RAP1GDS1: variants seen among roughly 807,000 people sequenced by gnomAD.
The protein encoded by RAP1GDS1 is Rap1 GTPase-GDP dissociation stimulator 1.
RAP1GDS1 carries 35 observed loss-of-function variants against 71.1 expected under a neutral mutation model. The observed-to-expected ratio is 0.49, with a 90% CI of 0.38 to 0.65. The LOEUF is 0.65. Among genes scored for constraint, RAP1GDS1 ranks in the 30% least tolerant of loss-of-function variants. The probability of loss-of-function intolerance (pLI) is 0.00; values close to 1 mark genes in which losing one functional copy is unlikely to be tolerated. For synonymous variants in RAP1GDS1, 229 were observed against 243.1 expected (o/e 0.94, Z 0.54); for missense variants, 663 against 706.1 (o/e 0.94, Z 0.69).
Position 98,261,459 on chromosome 4 carries a change from C to G in RAP1GDS1, c.-107C>G. 5 of 1,258,594 alleles carry G rather than the reference C, an allele frequency of 4.0e-6. No homozygotes were observed. Among genetic ancestry groups the G allele is most frequent in the Non-Finnish European group, 5.3e-6 (5 of 935,162 alleles). The allele number at this position is 1,258,594 out of a possible 1,614,324, so 78.0% of individuals were successfully genotyped here. ...CCCGGCGGCCGCCCCCCGCGGGTCC[C>G]TCCCTGGCTGCGGGAGAGACGGAGG... On this transcript the variant is annotated 5_prime_UTR_variant, in exon 1 of 15. Coordinates refer to ENST00000408927, the MANE Select transcript of RAP1GDS1 (RefSeq NM_001100427.2).
At chr4:98,269,174 A>C (rs981004773) in intron 1 of RAP1GDS1, among the ~76,000 whole-genome samples, 1 of 4,122 alleles carries the variant, frequency 2.4e-4, no homozygotes. Flanking sequence ...ATTGATCTTC[A>C]AAAAAAAAAA....
chr4:98,442,099 A>T lies in RAP1GDS1; in HGVS notation c.1806A>T (p.Arg602Ser), dbSNP rs1018050208. ...AGCAGGCCTCTCTCACAGAGCAGAGACTTACTGTGGAAAGCTGAGAACTGC... is the reference window on the plus strand; with the variant it reads ...AGCAGGCCTCTCTCACAGAGCAGAGTCTTACTGTGGAAAGCTGAGAACTGC... ...VAQQASLTEQ[R>S]LTVES The change falls in exon 15 of 15, where the codon AGA (arginine) becomes AGT (serine). Residue 602 changes from arginine (R) to serine (S), a missense_variant. By Grantham distance (110) the Arg-to-Ser change is moderately radical (BLOSUM62 -1). Transcript: ENST00000408927. 4.3e-6 allele frequency: 7 copies of T among 1,613,518 alleles called. No individual in the cohort carries two copies. Among genetic ancestry groups the T allele is most frequent in the Non-Finnish European group, 5.9e-6 (7 of 1,179,978 alleles).
intron 7 of RAP1GDS1, among the ~76,000 whole-genome samples, chr4:98,409,966 G>A (rs149558405): frequency 8.5e-5 from 13 of 152,158 alleles, no homozygotes; most frequent in African/African-American, 3.1e-4. Context: ...TGAGACATTG[G>A]TTACTTTAAA....
At chr4:98,309,850 G>A (rs1242224639) in intron 2 of RAP1GDS1, among the ~76,000 whole-genome samples, 1 of 151,338 alleles carries the variant, frequency 6.6e-6, no homozygotes. Context: ...AGTAAGGTAG[G>A]GTTCAGGTAT....
intron 12 of RAP1GDS1, among the ~76,000 whole-genome samples, chr4:98,424,784 A>C (rs1432566301): frequency 6.7e-6 from 1 of 149,560 alleles, no homozygotes; most frequent in African/African-American, 2.5e-5. Flanking sequence ...AAAAAAAAAA[A>C]AACAAAGAAA....
chr4:98,370,619 A>C (rs960226207), intron 4 of RAP1GDS1, among the ~76,000 whole-genome samples: 1 of 150,010 alleles, frequency 6.7e-6, no homozygotes, highest in Non-Finnish European at 1.5e-5. Flanking sequence ...GCTGGAGTGC[A>C]GTGGCGCGAT....
chr4:98,311,710 C>CA (rs1730246983), intron 2 of RAP1GDS1, among the ~76,000 whole-genome samples: 1 of 152,220 alleles, frequency 6.6e-6, no homozygotes, highest in Non-Finnish European at 1.5e-5. Flanking sequence ...GATCCATGCT[C>CA]ACGGCAGCGT....
chr4:98,395,171 T>C (rs1452034164), intron 6 of RAP1GDS1, among the ~76,000 whole-genome samples: 6 of 152,160 alleles, frequency 3.9e-5, no homozygotes, highest in Admixed American at 1.3e-4. Context: ...CAAAGCATCT[T>C]TAAGTGATAG....
intron 4 of RAP1GDS1, among the ~76,000 whole-genome samples, chr4:98,376,485 A>G (rs970743148): frequency 1.3e-5 from 2 of 152,106 alleles, no homozygotes; most frequent in African/African-American, 4.8e-5. Context: ...TACTGGAAAA[A>G]TAAGTCAGTT....
At chr4:98,398,680 A>G (rs1400569899) in intron 6 of RAP1GDS1, among the ~76,000 whole-genome samples, 2 of 152,136 alleles carry the variant, frequency 1.3e-5, no homozygotes, top group African/African-American at 4.8e-5. Flanking sequence ...TATCAAGAAA[A>G]ACCTACAGAC....
intron 2 of RAP1GDS1, among the ~76,000 whole-genome samples, chr4:98,325,727 T>C (rs1239477633): frequency 1.1e-3 from 147 of 134,048 alleles, no homozygotes; most frequent in African/African-American, 4.1e-3. Flanking sequence ...AACAATGAGA[T>C]CACATGGACA....
chr4:98,365,355 C>T (rs926578614), intron 4 of RAP1GDS1, among the ~76,000 whole-genome samples: 2 of 152,120 alleles, frequency 1.3e-5, no homozygotes, highest in African/African-American at 2.4e-5. Flanking sequence ...TGGCTCACAC[C>T]TGTAATCCCA....
At chr4:98,369,815 AC>A (rs1740083644) in intron 4 of RAP1GDS1, among the ~76,000 whole-genome samples, 1 of 152,194 alleles carries the variant, frequency 6.6e-6, no homozygotes. Context: ...AGTTAAACAC[AC>A]TTTAAATCTG....
At chr4:98,392,529 C>T (rs1266109836) in intron 6 of RAP1GDS1, among the ~76,000 whole-genome samples, 1 of 152,018 alleles carries the variant, frequency 6.6e-6, no homozygotes, top group African/African-American at 2.4e-5. Flanking sequence ...AGTCTGGGCC[C>T]ATCTTTACAA....
At chr4:98,335,868 C>G (rs1376485227) in intron 2 of RAP1GDS1, among the ~76,000 whole-genome samples, 1 of 148,714 alleles carries the variant, frequency 6.7e-6, no homozygotes, top group Non-Finnish European at 1.5e-5. Flanking sequence ...TTATATCATA[C>G]TTGTATAAAG....
At position 98,303,306 on chromosome 4, in the gene RAP1GDS1, A is replaced by G. The variant is rs577838813; in HGVS notation, c.112+9791A>G. Among the ~76,000 whole-genome samples, 11 of 152,292 alleles carry G rather than the reference A, an allele frequency of 7.2e-5. No individual in the cohort carries two copies. In the South Asian group the frequency reaches 2.3e-3, roughly 32 times the overall value. ...TTTAATACAGTAGTCACTCTTCAAC[A>G]TGGCTGTTGAGCATTTGAAATGAAG... On this transcript the variant is annotated intron_variant, in intron 2 of 14. Coordinates refer to ENST00000408927, the MANE Select transcript of RAP1GDS1 (RefSeq NM_001100427.2).
chr4:98,294,542 A>G (rs1042824660), intron 2 of RAP1GDS1, among the ~76,000 whole-genome samples: 2 of 152,132 alleles, frequency 1.3e-5, no homozygotes, highest in African/African-American at 4.8e-5. Context: ...GGAGTTCAAT[A>G]AGAGCATCCA....
At chr4:98,432,177 G>C (rs1578869034) in intron 12 of RAP1GDS1, among the ~76,000 whole-genome samples, 1 of 152,250 alleles carries the variant, frequency 6.6e-6, no homozygotes, top group South Asian at 2.1e-4. Flanking sequence ...AAAGTGAGAT[G>C]AAAGTATACC....
intron 5 of RAP1GDS1, among the ~76,000 whole-genome samples, chr4:98,380,991 A>G (rs1419626957): frequency 6.6e-6 from 1 of 151,724 alleles, no homozygotes; most frequent in Non-Finnish European, 1.5e-5. Context: ...ATTGAGTCCC[A>G]TAATATTATA....
Sources: gnomAD v4.1 joint callset for allele counts (sites outside exome capture counted in the v4.1 genomes callset) on GRCh38, gnomAD v4.1.1 for gene constraint, MANE v1.5 for transcripts, NCBI Gene and HGNC (gene_info 2026-07-23, HGNC 2026-07-21) for gene names.